SAMD12: variants seen among roughly 807,000 people sequenced by gnomAD.
SAMD12 encodes the protein sterile alpha motif domain containing 12, also known as sterile alpha motif domain-containing protein 12.
In SAMD12, 9 loss-of-function variants were observed where a neutral mutation model predicts 15.0. That is an observed-to-expected ratio of 0.60 (90% CI 0.36 to 1.05). SAMD12 has a LOEUF of 1.05. Ranked by LOEUF, SAMD12 falls within the 50% of genes least tolerant of loss-of-function variation. The pLI is 0.01. For synonymous variants in SAMD12, 86 were observed against 90.1 expected (o/e 0.96, Z 0.25); for missense variants, 230 against 234.2 (o/e 0.98, Z 0.12).
chr8:118,329,773 T>C (rs1816731757), intron 4 of SAMD12, among the ~76,000 whole-genome samples: 1 of 152,222 alleles, frequency 6.6e-6, no homozygotes, highest in African/African-American at 2.4e-5. Flanking sequence ...TTCATGTGGC[T>C]AATTAGGGTT....
At chr8:118,279,097 G>C (rs1225856190) in intron 4 of SAMD12, among the ~76,000 whole-genome samples, 1 of 152,178 alleles carries the variant, frequency 6.6e-6, no homozygotes, top group Non-Finnish European at 1.5e-5. Context: ...CCCCAAAGGA[G>C]TTGAAGTTGA....
At chr8:118,406,920 G>C (rs1385747200) in intron 3 of SAMD12, among the ~76,000 whole-genome samples, 1 of 148,222 alleles carries the variant, frequency 6.7e-6, no homozygotes, top group African/African-American at 2.5e-5. Flanking sequence ...GTGTGTGTGT[G>C]TCTCCACATT....
intron 2 of SAMD12, among the ~76,000 whole-genome samples, chr8:118,465,468 G>A (rs944873150): frequency 2.0e-5 from 3 of 152,042 alleles, no homozygotes; most frequent in African/African-American, 4.8e-5. Context: ...TCAATAAAAG[G>A]GACTTCTCAT....
At chr8:118,284,901 C>G (rs1213293865) in intron 4 of SAMD12, 1 of 141,936 alleles carries the variant, frequency 7.0e-6, no homozygotes, top group Non-Finnish European at 1.5e-5. Context: ...GACATGGCAC[C>G]ACTGCACCCC....
Position 118,378,326 on chromosome 8 carries a change from G to C in SAMD12, c.*1091C>G. On this transcript the variant is annotated 3_prime_UTR_variant, in exon 4 of 4. Coordinates refer to ENST00000314727, the MANE Select transcript of SAMD12 (RefSeq NM_207506.3). ...GACAGACTTTCTTATCATAATCTTC[G>C]TATTTCTATCTACTTCTTAAAAGAA... 1 of 875,534 alleles carries C rather than the reference G, an allele frequency of 1.1e-6. No homozygotes were observed. The highest frequency in any genetic ancestry group is 5.3e-5 in the South Asian group (1 of 18,970). 54.2% of individuals were successfully genotyped at this position (875,534 alleles called of 1,614,324 possible).
chr8:118,325,873 A>G (rs1412737282), intron 4 of SAMD12, among the ~76,000 whole-genome samples: 1 of 152,198 alleles, frequency 6.6e-6, no homozygotes, highest in East Asian at 1.9e-4. Flanking sequence ...GGATTAATAA[A>G]CCAGGTCTAG....
intron 2 of SAMD12, among the ~76,000 whole-genome samples, chr8:118,554,071 T>C (rs916314582): frequency 1.3e-5 from 2 of 151,798 alleles, no homozygotes; most frequent in African/African-American, 4.8e-5. Context: ...AGGAACACTT[T>C]TACACTGTTG....
Position 118,439,946 on chromosome 8 carries a change from G to C in SAMD12, c.208C>G (p.Leu70Val). 6.2e-7 allele frequency: 1 copy of C among 1,613,600 alleles called. No individual in the cohort carries two copies. Among genetic ancestry groups the C allele is most frequent in the Non-Finnish European group, 8.5e-7 (1 of 1,179,626 alleles). ...GTCCATAGAGCCACCGGTTTAGATA[G>C]CTTCACCGTAGCTGACTATAAATAA... Reference protein sequence around the residue: ...AETAKSATVKLSKPVALWTQQ... With the variant: ...AETAKSATVKVSKPVALWTQQ... Residue 70 changes from leucine to valine, a missense_variant, in exon 3 of 4, where the codon CTA becomes GTA. Coordinates refer to ENST00000314727, the MANE Select transcript of SAMD12 (RefSeq NM_207506.3).
At chr8:118,259,187 A>T (rs1296883767) in intron 4 of SAMD12, among the ~76,000 whole-genome samples, 1 of 152,178 alleles carries the variant, frequency 6.6e-6, no homozygotes, top group Non-Finnish European at 1.5e-5. Flanking sequence ...TGAAGCTGTT[A>T]TAACTGTTCC....
At chr8:118,195,326 G>A (rs761976479) in exon 5 of SAMD12, 1 of 152,198 alleles carries the variant, frequency 6.6e-6, no homozygotes, top group Non-Finnish European at 1.5e-5. Flanking sequence ...GCAGTTCTTA[G>A]GCTTCATCAG....
At chr8:118,544,859 T>C (rs1826079605) in intron 2 of SAMD12, among the ~76,000 whole-genome samples, 1 of 152,214 alleles carries the variant, frequency 6.6e-6, no homozygotes, top group South Asian at 2.1e-4. Flanking sequence ...TTAGTTTTCT[T>C]GAGAACATTC....
intron 2 of SAMD12, among the ~76,000 whole-genome samples, chr8:118,538,037 T>C (rs1476685393): frequency 6.6e-6 from 1 of 152,204 alleles, no homozygotes; most frequent in Non-Finnish European, 1.5e-5. Context: ...AAACAAGTAA[T>C]GCTGTGTTTG....
At chr8:118,616,177 GATAAGTACCT>G (rs1828235092) in intron 1 of SAMD12, among the ~76,000 whole-genome samples, 1 of 152,190 alleles carries the variant, frequency 6.6e-6, no homozygotes, top group Non-Finnish European at 1.5e-5. Context: ...CTGCTGCAGG[GATAAGTACCT>G]ATGAGGGAAA....
At chr8:118,547,682 C>G (rs113280964) in intron 2 of SAMD12, among the ~76,000 whole-genome samples, 2,704 of 152,286 alleles carry the variant, frequency 0.018, 83 homozygotes, top group African/African-American at 0.061. Context: ...ATCACACTCA[C>G]AGATTATTAT....
chr8:118,266,993 G>T (rs2450217), intron 4 of SAMD12, among the ~76,000 whole-genome samples: 17,589 of 151,940 alleles, frequency 0.12, 1,327 homozygotes, highest in South Asian at 0.27. Flanking sequence ...AAGCATTCTC[G>T]CCACAAAAAA....
chr8:118,621,718 C>T, intron 1 of SAMD12, 86 bp downstream of exon 1: 1 of 1,510,480 alleles, frequency 6.6e-7, no homozygotes. Flanking sequence ...CCTCGCCTCC[C>T]CACGATCGCC....
At chr8:118,523,332 A>G (rs1825443928) in intron 2 of SAMD12, among the ~76,000 whole-genome samples, 1 of 152,186 alleles carries the variant, frequency 6.6e-6, no homozygotes, top group Non-Finnish European at 1.5e-5. Flanking sequence ...ATAGCCCATG[A>G]AATTGAAAGT....
chr8:118,547,026 T>C (rs376732585), intron 2 of SAMD12, among the ~76,000 whole-genome samples: 19 of 152,326 alleles, frequency 1.2e-4, no homozygotes, highest in African/African-American at 4.3e-4. Context: ...TTACAGAATA[T>C]TCAGACTTTT....
intron 4 of SAMD12, among the ~76,000 whole-genome samples, chr8:118,326,623 A>G (rs951241412): frequency 6.6e-6 from 1 of 152,088 alleles, no homozygotes; most frequent in Non-Finnish European, 1.5e-5. Context: ...TAGCCCCCCA[A>G]CTAAGGAATT....
Sources: gnomAD v4.1 joint callset for allele counts (sites outside exome capture counted in the v4.1 genomes callset) on GRCh38, gnomAD v4.1.1 for gene constraint, MANE v1.5 for transcripts, NCBI Gene and HGNC (gene_info 2026-07-23, HGNC 2026-07-21) for gene names.